NBEA: variants seen among roughly 807,000 people sequenced by gnomAD.
NBEA encodes the protein lysosomal-trafficking regulator 2.
In NBEA, 44 loss-of-function variants were observed where a neutral mutation model predicts 343.4. The ratio of observed to expected loss-of-function variants is 0.13; its 90% CI spans 0.10 to 0.16. The LOEUF (loss-of-function observed/expected upper bound fraction) is 0.16. Among genes scored for constraint, NBEA ranks in the 10% least tolerant of loss-of-function variants. NBEA has a pLI of 1.00. For synonymous variants in NBEA, 1,175 were observed against 1,238.7 expected, an observed-to-expected ratio of 0.95 and a Z score of 1.08; for missense variants, 2,555 against 3,631.3, an observed-to-expected ratio of 0.70 and a Z score of 7.62.
At chr13:35,170,670 T>C (rs2070392696) in intron 25 of NBEA, among the ~76,000 whole-genome samples, 1 of 151,836 alleles carries the variant, frequency 6.6e-6, no homozygotes, top group Admixed American at 6.6e-5. Flanking sequence ...TATCTATAGA[T>C]GAGTTAGCGA....
intron 47 of NBEA, among the ~76,000 whole-genome samples, chr13:35,599,701 G>A (rs145865633): frequency 1.0e-3 from 154 of 152,340 alleles, no homozygotes; most frequent in African/African-American, 3.6e-3. Flanking sequence ...AGACAAGGGG[G>A]AAATAGACTC....
intron 41 of NBEA, among the ~76,000 whole-genome samples, chr13:35,531,644 C>G (rs1348469912): frequency 1.3e-5 from 2 of 152,182 alleles, no homozygotes. Flanking sequence ...CAACTGTCAT[C>G]TGGAGTATTA....
chr13:34,963,715 G>A (rs1011738840), intron 1 of NBEA, among the ~76,000 whole-genome samples: 1 of 147,540 alleles, frequency 6.8e-6, no homozygotes, highest in African/African-American at 2.5e-5. Flanking sequence ...TCCCCCCCCC[G>A]ATATATTTTT....
At chr13:35,128,890 C>T (rs2067267518) in intron 17 of NBEA, among the ~76,000 whole-genome samples, 1 of 151,952 alleles carries the variant, frequency 6.6e-6, no homozygotes, top group African/African-American at 2.4e-5. Context: ...TAACCCTTCA[C>T]CCTACTTAAT....
rs1451065598 is a variant in NBEA at position 35,651,715 on chromosome 13, T to G, written c.7964-90T>G. 3.8e-6 allele frequency: 3 copies of G among 779,404 alleles called. No homozygotes were observed. In the Admixed American group the frequency reaches 6.8e-5, roughly 18 times the overall value. The allele number at this position is 779,404 out of a possible 1,614,324, so 48.3% of individuals were successfully genotyped here. On this transcript the variant is annotated intron_variant, in intron 52 of 58. Coordinates refer to ENST00000379939, the MANE Select transcript of NBEA (RefSeq NM_001385012.1). ...AATCATTTTTAAGCAAATATGCATT[T>G]TGTAAAATCATCATAAAACACTACC...
rs374853254 is a variant in NBEA at position 35,157,179 on chromosome 13, A to G, written c.2753A>G (p.Asn918Ser). The G allele has an allele frequency of 1.2e-5, 20 of 1,610,824 alleles. No homozygotes were observed. The highest frequency in any genetic ancestry group is 4.5e-5 in the East Asian group (2 of 44,838). ...CAGAAGATTACCGAAATGGTCTACA[A>G]TATCTTCCGGATTCTTTTGTATCAT... ...EEQKITEMVY[N>S]IFRILLYHAI... The change falls in exon 21 of 59, where the codon AAT becomes AGT. Residue 918 changes from asparagine to serine, a missense_variant. Physicochemically the swap from Asn to Ser is conservative, Grantham distance 46 (BLOSUM62 1). Coordinates refer to ENST00000379939, the MANE Select transcript of NBEA (RefSeq NM_001385012.1).
chr13:35,617,640 A>G (rs2031445), intron 48 of NBEA, among the ~76,000 whole-genome samples: 69,734 of 152,008 alleles, frequency 0.46, 16,433 homozygotes, highest in African/African-American at 0.55. Context: ...ATGTGGCTGC[A>G]TGATTCTGCA....
At chr13:35,553,129 C>T (rs1429927594) in intron 43 of NBEA, among the ~76,000 whole-genome samples, 1 of 151,908 alleles carries the variant, frequency 6.6e-6, no homozygotes, top group Non-Finnish European at 1.5e-5. Flanking sequence ...TGGACTCAAG[C>T]AATCCACCCA....
At chr13:35,554,487 A>G (rs1440889515) in intron 43 of NBEA, among the ~76,000 whole-genome samples, 1 of 152,170 alleles carries the variant, frequency 6.6e-6, no homozygotes, top group Non-Finnish European at 1.5e-5. Flanking sequence ...CCAGTTGTTT[A>G]TATTTTACAC....
chr13:35,221,342 C>CA (rs35904333), intron 33 of NBEA, among the ~76,000 whole-genome samples: 18,453 of 136,950 alleles, frequency 0.13, 1,221 homozygotes, highest in South Asian at 0.2. Context: ...GACACTATTT[C>CA]AAAAAAAAAA....
chr13:35,361,304 T>C (rs757040564), intron 38 of NBEA, among the ~76,000 whole-genome samples: 67 of 152,062 alleles, frequency 4.4e-4, no homozygotes, highest in Admixed American at 3.3e-4. Flanking sequence ...AATCAAAATG[T>C]TATCAAAGAA....
chr13:35,301,889 G>C (rs900442648), intron 35 of NBEA, among the ~76,000 whole-genome samples: 4 of 152,186 alleles, frequency 2.6e-5, no homozygotes, highest in African/African-American at 9.6e-5. Flanking sequence ...TAACTGGCAT[G>C]AGATGGTATC....
chr13:35,228,663 C>G (rs1017890778), intron 33 of NBEA, among the ~76,000 whole-genome samples: 1 of 152,018 alleles, frequency 6.6e-6, no homozygotes, highest in Non-Finnish European at 1.5e-5. Flanking sequence ...GTTTGAGTCA[C>G]TTAAGATAAT....
At chr13:35,586,040 T>C (rs1477011754) in intron 46 of NBEA, among the ~76,000 whole-genome samples, 1 of 152,236 alleles carries the variant, frequency 6.6e-6, no homozygotes, top group African/African-American at 2.4e-5. Flanking sequence ...TATTGTAGAA[T>C]GCTAAATTAA....
At chr13:35,566,512 A>G (rs1460729497) in intron 44 of NBEA, among the ~76,000 whole-genome samples, 1 of 152,194 alleles carries the variant, frequency 6.6e-6, no homozygotes, top group Non-Finnish European at 1.5e-5. Context: ...TATCTACATC[A>G]GCAGAAGAGA....
intron 10 of NBEA, among the ~76,000 whole-genome samples, chr13:35,088,330 CG>C (rs567554959): frequency 1.3e-4 from 19 of 151,902 alleles, no homozygotes; most frequent in African/African-American, 4.3e-4. Context: ...TTTGGACAGA[CG>C]TTATTTAGGA....
rs914662156 is a variant in NBEA at position 34,979,523 on chromosome 13, GA to G, written c.294+36419del. 1.7e-4 allele frequency among the ~76,000 whole-genome samples: 24 copies of G among 144,866 alleles called. No individual in the cohort carries two copies. In the East Asian group the frequency reaches 3.6e-3, roughly 22 times the overall value. On this transcript the variant is annotated intron_variant, in intron 1 of 58. Transcript: ENST00000379939. ...TGACAGAGCAAGACTCTGTCTCAAA[GA>G]AAAAAAAAAGAAAAACAATTTTCCC... is the stretch of plus-strand genomic sequence containing the variant.
At chr13:35,043,713 T>C (rs1046228768) in intron 2 of NBEA, among the ~76,000 whole-genome samples, 5 of 151,966 alleles carry the variant, frequency 3.3e-5, no homozygotes, top group South Asian at 2.1e-4. Context: ...TATTAATTGA[T>C]TATTAATTGA....
chr13:35,613,469 C>A (rs1418981126), intron 48 of NBEA, among the ~76,000 whole-genome samples: 1 of 152,088 alleles, frequency 6.6e-6, no homozygotes, highest in African/African-American at 2.4e-5. Context: ...ACTTAGGTTG[C>A]TTCCATATCC....
Sources: allele counts gnomAD v4.1 joint callset (sites outside exome capture counted in the v4.1 genomes callset), GRCh38; gene constraint gnomAD v4.1.1; transcripts MANE v1.5; gene names NCBI Gene and HGNC (gene_info 2026-07-23, HGNC 2026-07-21).